ABR: variants seen among roughly 807,000 people sequenced by gnomAD.
ABR encodes the protein ABR activator of RhoGEF and GTPase.
In ABR, 35 loss-of-function variants were observed where a neutral mutation model predicts 107.2. The ratio of observed to expected loss-of-function variants is 0.33; its 90% confidence interval spans 0.25 to 0.43. ABR has a LOEUF of 0.43. Among genes scored for constraint, ABR ranks in the 20% least tolerant of loss-of-function variants. The probability of loss-of-function intolerance (pLI) is 1.00; values close to 1 mark genes in which losing one functional copy is unlikely to be tolerated. For synonymous variants in ABR, 498 were observed against 462.0 expected (o/e 1.08, Z -1.00); for missense variants, 815 against 1,115.2 (o/e 0.73, Z 3.83).
chr17:1,035,103 G>A (rs780159336), intron 16 of ABR, among the ~76,000 whole-genome samples: 1 of 151,808 alleles, frequency 6.6e-6, no homozygotes. Context: ...TGGGGACAGC[G>A]CAGACTTGCC....
intron 1 of ABR, among the ~76,000 whole-genome samples, chr17:1,196,260 T>C (rs1472765312): frequency 6.6e-6 from 1 of 151,864 alleles, no homozygotes; most frequent in Non-Finnish European, 1.5e-5. Flanking sequence ...CGAAACCCTC[T>C]TTCTACTACA....
chr17:1,141,667 G>GT (rs2040290097), intron 1 of ABR, among the ~76,000 whole-genome samples: 1 of 152,166 alleles, frequency 6.6e-6, no homozygotes, highest in Admixed American at 6.5e-5. Context: ...GCAATTTGCA[G>GT]TGAGTTAAGA....
chr17:1,075,554 C>G (rs542662370), intron 6 of ABR, among the ~76,000 whole-genome samples: 1 of 151,302 alleles, frequency 6.6e-6, no homozygotes, highest in Non-Finnish European at 1.5e-5. Context: ...GGCTGCCTGT[C>G]GGAATCACTG....
intron 1 of ABR, among the ~76,000 whole-genome samples, chr17:1,203,771 C>G (rs1002355434): frequency 6.6e-6 from 1 of 152,124 alleles, no homozygotes; most frequent in Non-Finnish European, 1.5e-5. Flanking sequence ...CCCTGGGAAC[C>G]TCGCGGGGCG....
At chr17:1,125,448 C>CGGCCCCCGGCAGCCAT (rs2039552499) in intron 1 of ABR, 81 bp from the exon 2 acceptor site, 1 of 1,545,730 alleles carries the variant, frequency 6.5e-7, no homozygotes, top group Non-Finnish European at 8.8e-7. Flanking sequence ...GCGCCGGCGG[C>CGGCCCCCGGCAGCCAT]GGCCCCCGGC....
intron 4 of ABR, among the ~76,000 whole-genome samples, chr17:1,085,670 G>A (rs372842154): frequency 6.6e-6 from 1 of 152,158 alleles, no homozygotes; most frequent in Non-Finnish European, 1.5e-5. Context: ...GGTTCAAACT[G>A]AGACGTGCCG....
chr17:1,132,945 T>C (rs1025444492), intron 1 of ABR, among the ~76,000 whole-genome samples: 4 of 152,108 alleles, frequency 2.6e-5, no homozygotes, highest in Admixed American at 1.3e-4. Flanking sequence ...AGGCTGCCTA[T>C]AACTGGCACA....
At chr17:1,181,360 G>A (rs1006337604), upstream of ABR, among the ~76,000 whole-genome samples, 2 of 152,314 alleles carry the variant, frequency 1.3e-5, no homozygotes, top group East Asian at 1.9e-4. Flanking sequence ...CCTGGGAGAC[G>A]CACAGGATGA....
chr17:1,117,997 G>A (rs140082615), intron 2 of ABR, among the ~76,000 whole-genome samples: 4 of 61,534 alleles, frequency 6.5e-5, no homozygotes, highest in Admixed American at 1.9e-4. Flanking sequence ...TCCTCCCAGC[G>A]TTATCCCTGA....
At chr17:1,024,977 T>C (rs2376601) in intron 16 of ABR, among the ~76,000 whole-genome samples, 116,667 of 148,734 alleles carry the variant, frequency 0.78, 46,052 homozygotes, top group Middle Eastern at 0.88. Flanking sequence ...AAAAATTAGC[T>C]GGGCGAGGTG....
intron 16 of ABR, among the ~76,000 whole-genome samples, chr17:1,019,368 G>A (rs2071445342): frequency 6.6e-6 from 1 of 152,250 alleles, no homozygotes; most frequent in African/African-American, 2.4e-5. Flanking sequence ...ACACACTCCA[G>A]CCCCTTCTGA....
At chr17:1,056,816 C>T (rs1025948598) in intron 13 of ABR, among the ~76,000 whole-genome samples, 182 bp downstream of exon 13, 4 of 152,210 alleles carry the variant, frequency 2.6e-5, no homozygotes, top group African/African-American at 9.6e-5. Context: ...CTGGGGTCAT[C>T]TGGGAACTCA....
At chr17:1,215,443 G>A (rs1190033238) in intron 1 of ABR, among the ~76,000 whole-genome samples, 2 of 152,210 alleles carry the variant, frequency 1.3e-5, no homozygotes, top group Non-Finnish European at 2.9e-5. Context: ...GTTTCGCTGT[G>A]TTGGCCGGGC....
At chr17:1,103,836 G>A (rs965657550) in intron 2 of ABR, among the ~76,000 whole-genome samples, 7 of 152,164 alleles carry the variant, frequency 4.6e-5, no homozygotes, top group East Asian at 3.9e-4. Flanking sequence ...CAGGAGACCC[G>A]TTGCTCAGTC....
chr17:1,160,696 C>T (rs550700938), intron 1 of ABR, among the ~76,000 whole-genome samples: 106 of 152,312 alleles, frequency 7.0e-4, no homozygotes, highest in Non-Finnish European at 1.3e-3. Context: ...AGGGAGGCGG[C>T]GCAGATGACT....
chr17:1,074,807 G>A (rs1567707467), intron 6 of ABR, among the ~76,000 whole-genome samples: 2 of 152,324 alleles, frequency 1.3e-5, no homozygotes, highest in South Asian at 2.1e-4. Context: ...TTAGCCAGGC[G>A]TGGTGGCACA....
At chr17:1,020,382 C>T (rs2071529434) in intron 16 of ABR, among the ~76,000 whole-genome samples, 1 of 152,138 alleles carries the variant, frequency 6.6e-6, no homozygotes, top group Non-Finnish European at 1.5e-5. Flanking sequence ...TGCATCCGGC[C>T]GACTGTTTTC....
chr17:1,198,447 A>G (rs1158642490), intron 1 of ABR, among the ~76,000 whole-genome samples: 1 of 151,490 alleles, frequency 6.6e-6, no homozygotes. Flanking sequence ...CTGCAATCAA[A>G]GCTGCCTGGT....
intron 1 of ABR, among the ~76,000 whole-genome samples, chr17:1,185,654 TAAAAAAA>T (rs775804045): frequency 2.3e-4 from 9 of 39,350 alleles, no homozygotes; most frequent in Admixed American, 6.0e-4. Flanking sequence ...CAGAAAGAAA[TAAAAAAA>T]AAAAAAAAAA....
Sources: allele counts gnomAD v4.1 joint callset (sites outside exome capture counted in the v4.1 genomes callset), GRCh38; gene constraint gnomAD v4.1.1; transcripts MANE v1.5; gene names NCBI Gene and HGNC (gene_info 2026-07-23, HGNC 2026-07-21).